Variants in TESK2 observed in about 807,000 individuals in gnomAD.
The protein encoded by TESK2 is testis associated actin remodelling kinase 2.
A neutral mutation model predicts 57.1 loss-of-function variants in TESK2; 39 were observed. The observed-to-expected ratio is 0.68, with a 90% CI of 0.53 to 0.89. TESK2 has a LOEUF of 0.89. Among genes scored for constraint, TESK2 ranks in the 40% least tolerant of loss-of-function variants. The probability of loss-of-function intolerance (pLI) is 0.00; values close to 1 mark genes in which losing one functional copy is unlikely to be tolerated. For missense variants in TESK2, 646 were observed against 732.1 expected (o/e 0.88, Z 1.36); for synonymous variants, 249 against 267.9 (o/e 0.93, Z 0.69).
At chr1:45,381,396 A>G (rs924302727) in intron 4 of TESK2, among the ~76,000 whole-genome samples, 9 of 152,202 alleles carry the variant, frequency 5.9e-5, no homozygotes, top group African/African-American at 9.6e-5. Flanking sequence ...GCTTTGTCCA[A>G]TGGGATGTTG....
At chr1:45,423,559 G>T (rs1450676960) in intron 2 of TESK2, among the ~76,000 whole-genome samples, 1 of 125,814 alleles carries the variant, frequency 7.9e-6, no homozygotes, top group African/African-American at 3.0e-5. Context: ...TCCGTCTCGC[G>T]AAAAAAAAAA....
At chr1:45,420,566 T>G in intron 3 of TESK2, among the ~76,000 whole-genome samples, 1 of 138,222 alleles carries the variant, frequency 7.2e-6, no homozygotes, top group African/African-American at 2.6e-5. Context: ...CAAATAAAAT[T>G]TTTTTTTTTT....
chr1:45,429,768 T>C (rs1347031800), intron 2 of TESK2, among the ~76,000 whole-genome samples: 2 of 152,202 alleles, frequency 1.3e-5, no homozygotes, highest in East Asian at 3.8e-4. Flanking sequence ...CAATCTTCAA[T>C]TGGCATAACT....
intron 2 of TESK2, among the ~76,000 whole-genome samples, chr1:45,432,753 T>C (rs1050584954): frequency 1.5e-5 from 2 of 136,678 alleles, no homozygotes; most frequent in African/African-American, 5.4e-5. Flanking sequence ...TATTGAATAT[T>C]ATAACTTTTT....
At chr1:45,384,381 A>ATCTG (rs201603264) in intron 4 of TESK2, among the ~76,000 whole-genome samples, 4,564 of 134,406 alleles carry the variant, frequency 0.034, 93 homozygotes, top group East Asian at 0.1. Flanking sequence ...CTATCTATCT[A>ATCTG]TCTATCTGTC....
chr1:45,371,258 T>C (rs1447676988), intron 4 of TESK2, among the ~76,000 whole-genome samples: 2 of 152,172 alleles, frequency 1.3e-5, no homozygotes, highest in East Asian at 3.9e-4. Context: ...TCTGGGTATG[T>C]ACCCAAAAGT....
intron 4 of TESK2, among the ~76,000 whole-genome samples, chr1:45,377,898 C>T (rs1352875683): frequency 2.0e-5 from 3 of 151,694 alleles, no homozygotes; most frequent in African/African-American, 4.8e-5. Flanking sequence ...TGGTGGTGTG[C>T]GCCTGTAGTC....
At chr1:45,386,414 GAAGGGA>G (rs923284785) in intron 3 of TESK2, among the ~76,000 whole-genome samples, 4 of 150,058 alleles carry the variant, frequency 2.7e-5, no homozygotes, top group Non-Finnish European at 4.4e-5. Flanking sequence ...GAAAAGAAAG[GAAGGGA>G]AAGGGAAAGG....
At chr1:45,445,624 CAAAA>C (rs747691865) in intron 2 of TESK2, among the ~76,000 whole-genome samples, 16 of 108,074 alleles carry the variant, frequency 1.5e-4, no homozygotes, top group Non-Finnish European at 1.3e-4. Context: ...CTGTCTCTAC[CAAAA>C]AAAAAAAAAA....
At chr1:45,416,044 A>G (rs1300337446) in intron 3 of TESK2, among the ~76,000 whole-genome samples, 1 of 150,160 alleles carries the variant, frequency 6.7e-6, no homozygotes, top group African/African-American at 2.4e-5. Context: ...CAGGGAAGCC[A>G]AAAGATTGGA....
chr1:45,432,758 CTTTTTTTTT>C (rs1300292630), intron 2 of TESK2, among the ~76,000 whole-genome samples: 4 of 87,642 alleles, frequency 4.6e-5, no homozygotes, highest in Non-Finnish European at 8.1e-5. Context: ...AATATTATAA[CTTTTTTTTT>C]TTTTTTTTTT....
At chr1:45,385,818 C>T (rs570052079) in intron 4 of TESK2, 94 bp downstream of exon 4, 3 of 816,284 alleles carry the variant, frequency 3.7e-6, no homozygotes, top group South Asian at 1.8e-5. Flanking sequence ...AATGCACATA[C>T]ATTTTGTTTA....
intron 2 of TESK2, among the ~76,000 whole-genome samples, chr1:45,450,663 G>T (rs1651835621): frequency 6.6e-6 from 1 of 152,000 alleles, no homozygotes; most frequent in Admixed American, 6.6e-5. Context: ...AAAAGCATGA[G>T]GAAAACAGTA....
chr1:45,395,619 T>G (rs1204371032), intron 3 of TESK2, among the ~76,000 whole-genome samples: 1 of 151,538 alleles, frequency 6.6e-6, no homozygotes, highest in Non-Finnish European at 1.5e-5. Flanking sequence ...CTTTTTTTTT[T>G]TTTTTGAGAC....
At chr1:45,481,710 C>T (rs573882753) in intron 1 of TESK2, among the ~76,000 whole-genome samples, 79 of 150,486 alleles carry the variant, frequency 5.2e-4, no homozygotes, top group African/African-American at 2.0e-3. Context: ...AACACCTAGC[C>T]TAGAAACATC....
At chr1:45,437,179 C>T (rs1222357147) in intron 2 of TESK2, among the ~76,000 whole-genome samples, 1 of 152,172 alleles carries the variant, frequency 6.6e-6, no homozygotes, top group East Asian at 1.9e-4. Flanking sequence ...TTAATTCTTC[C>T]AATCCATGAG....
chr1:45,357,234 TAA>T (rs1491517407), intron 4 of TESK2, among the ~76,000 whole-genome samples: 90 of 150,948 alleles, frequency 6.0e-4, no homozygotes, highest in African/African-American at 1.6e-3. Context: ...AATAAATAAA[TAA>T]ATAAATGTAT....
Position 45,422,958 on chromosome 1 carries a change from CG to C in TESK2, c.223-1113del, listed in dbSNP as rs1198636962. On this transcript the variant is annotated intron_variant, in intron 2 of 10. Transcript: ENST00000372086. ...CTAATTTTTGTATTTTTAGTAGAGA[CG>C]GGGTTTCACCATGTTGGCCAGGCTG... 2.6e-5 allele frequency among the ~76,000 whole-genome samples: 4 copies of C among 151,730 alleles called. No individual in the cohort carries two copies. The East Asian group carries it at 7.8e-4, about 30-fold the overall frequency.
intron 2 of TESK2, among the ~76,000 whole-genome samples, chr1:45,434,518 T>A (rs1691217): frequency 6.6e-6 from 1 of 151,272 alleles, no homozygotes; most frequent in Non-Finnish European, 1.5e-5. Flanking sequence ...CCATTCTAAA[T>A]GAGATAAGAT....
Sources: gnomAD v4.1 joint callset for allele counts (sites outside exome capture counted in the v4.1 genomes callset) on GRCh38, gnomAD v4.1.1 for gene constraint, MANE v1.5 for transcripts, NCBI Gene and HGNC (gene_info 2026-07-23, HGNC 2026-07-21) for gene names.